CNOT1: variants seen among roughly 807,000 people sequenced by gnomAD.
CNOT1 encodes CCR4-associated factor 1.
Under a neutral mutation model 273.8 loss-of-function variants are expected in CNOT1, and 15 were observed. The observed-to-expected ratio is 0.05, with a 90% CI of 0.04 to 0.08. The LOEUF (loss-of-function observed/expected upper bound fraction) is 0.08. CNOT1 is among the 10% of genes least tolerant of loss of function. The probability of loss-of-function intolerance (pLI) is 1.00; values close to 1 mark genes in which losing one functional copy is unlikely to be tolerated. For synonymous variants in CNOT1, 1,022 were observed against 1,005.5 expected, an observed-to-expected ratio of 1.02 and a Z score of -0.31; for missense variants, 1,644 against 2,912.2, an observed-to-expected ratio of 0.56 and a Z score of 10.02.
intron 40 of CNOT1, among the ~76,000 whole-genome samples, chr16:58,533,687 T>C (rs72622279): frequency 0.28 from 42,174 of 150,910 alleles, 6,371 homozygotes; most frequent in East Asian, 0.57. Context: ...TAGCCGGGCA[T>C]GTTGGCAAGT....
At chr16:58,546,555 T>C (rs898554754) in intron 28 of CNOT1, 57 bp from the exon 29 acceptor site, 4 of 1,603,630 alleles carry the variant, frequency 2.5e-6, no homozygotes, top group Non-Finnish European at 3.4e-6. Flanking sequence ...GTTTTACTCA[T>C]AATATACTCT....
At chr16:58,524,676 A>G (rs1349561700) in intron 46 of CNOT1, among the ~76,000 whole-genome samples, 2 of 152,102 alleles carry the variant, frequency 1.3e-5, no homozygotes, top group East Asian at 1.9e-4. Context: ...TGGGGTCTCT[A>G]TTTTATAAGA....
At chr16:58,557,024 A>G (rs994870866) in intron 18 of CNOT1, 31 bp from the exon 19 acceptor site, 1 of 1,604,736 alleles carries the variant, frequency 6.2e-7, no homozygotes, top group African/African-American at 1.3e-5. Flanking sequence ...CACAAATCCT[A>G]TCATTATTCA....
Position 58,616,075 on chromosome 16 carries a change from C to CA in CNOT1, c.-175+13652dup, listed in dbSNP as rs561759484. ...TGACAGGGCAAGACACTGACTCTACCAAAAAAATAAAAAGTAAGAAATTGC... is the reference window on the plus strand; with the variant it reads ...TGACAGGGCAAGACACTGACTCTACCAAAAAAAATAAAAAGTAAGAAATTGC... On this transcript the variant is annotated intron_variant, in intron 1 of 48. Coordinates refer to ENST00000317147, the MANE Select transcript of CNOT1 (RefSeq NM_016284.5). Among the ~76,000 whole-genome samples the CA allele has an allele frequency of 4.9e-4, 61 of 124,188 alleles. 11 individuals are homozygous for CA. The highest frequency in any genetic ancestry group is 1.6e-3 in the African/African-American group (60 of 37,052). 81.5% of individuals were successfully genotyped at this position (124,188 alleles called of 152,430 possible).
intron 18 of CNOT1, among the ~76,000 whole-genome samples, chr16:58,558,014 CG>C (rs1407378497): frequency 7.7e-6 from 1 of 130,692 alleles, no homozygotes; most frequent in Non-Finnish European, 1.9e-5. Context: ...AACAAACAAA[CG>C]AAAAAAAACC....
chr16:58,530,276 T>A lies in CNOT1; in HGVS notation c.6249A>T (p.Glu2083Asp). The change falls in exon 43 of 49, where the codon GAA becomes GAT. Residue 2083 changes from glutamate (E) to aspartate (D), a missense_variant. Glu to Asp is a conservative substitution (Grantham distance 45). Coordinates refer to ENST00000317147, the MANE Select transcript of CNOT1 (RefSeq NM_016284.5). ...AGAGGATTTGCATAGGTTTGGTGAG[T>A]TCCACATTTCTAAGGAAAGGCGCTA... ...KYLAPFLRNV[E>D]LTKPMQILYK... is the part of the protein sequence containing the mutation. 6.2e-7 allele frequency: 1 copy of A among 1,612,162 alleles called. No individual in the cohort carries two copies. Among genetic ancestry groups the A allele is most frequent in the Non-Finnish European group, 8.5e-7 (1 of 1,178,672 alleles).
intron 1 of CNOT1, among the ~76,000 whole-genome samples, chr16:58,623,027 G>A (rs947856096): frequency 2.0e-5 from 3 of 151,614 alleles, no homozygotes; most frequent in East Asian, 1.9e-4. Context: ...GCAAAACCCC[G>A]TCTCTACTAA....
chr16:58,529,795 C>T (rs929965737), intron 43 of CNOT1, among the ~76,000 whole-genome samples: 2 of 125,058 alleles, frequency 1.6e-5, no homozygotes, highest in African/African-American at 2.9e-5. Flanking sequence ...AAGCTGAGAT[C>T]GCGCCACTGC....
At position 58,551,178 on chromosome 16, in the gene CNOT1, A is replaced by G; in HGVS notation, c.3296T>C (p.Ile1099Thr). The G allele has an allele frequency of 1.9e-6, 3 of 1,609,858 alleles. No homozygotes were observed. Among genetic ancestry groups the G allele is most frequent in the Non-Finnish European group, 2.5e-6 (3 of 1,178,954 alleles). The change falls in exon 24 of 49, where the codon ATT becomes ACT. Residue 1099 changes from isoleucine to threonine, a missense_variant. Around this residue, in one of 13 missense-constraint regions of CNOT1, gnomAD observed 124 missense variants for 289.3 expected, o/e 0.43. Transcript: ENST00000317147. ...TGAGAGATTATTGAAAATAAAAGCAATTTTCTCCTGGATATTTTCTGGGGG... is the reference window on the plus strand; with the variant it reads ...TGAGAGATTATTGAAAATAAAAGCAGTTTTCTCCTGGATATTTTCTGGGGG... ...VEPPENIQEK[I>T]AFIFNNLSQS...
In CNOT1 at chr16:58,551,656, G is replaced by A. The variant is rs1158738988; in HGVS notation, c.3134C>T (p.Thr1045Ile). 2 of 1,614,226 alleles carry A rather than the reference G, an allele frequency of 1.2e-6. No individual in the cohort carries two copies. The highest frequency in any genetic ancestry group is 2.2e-5 in the East Asian group (1 of 44,892). Residue 1045 changes from threonine to isoleucine, a missense_variant, in exon 23 of 49, where the codon ACT (threonine) becomes ATT (isoleucine). Thr to Ile is a moderately conservative substitution (Grantham distance 89). Coordinates refer to ENST00000317147, the MANE Select transcript of CNOT1 (RefSeq NM_016284.5). ...CGTAACCGTTTTAGCAACAGTGGTA[G>A]TTGTTGAGGTGGTTACCATAGTGCT... ...QVSTMVTTSTTTTVAKTVTVT... is the reference protein window; with the variant it reads ...QVSTMVTTSTITTVAKTVTVT...
intron 1 of CNOT1, among the ~76,000 whole-genome samples, chr16:58,603,235 T>TA (rs780407105): frequency 6.6e-6 from 1 of 152,102 alleles, no homozygotes; most frequent in Non-Finnish European, 1.5e-5. Context: ...TTTTCAATCA[T>TA]AAAAAACTCA....
chr16:58,595,420 CAAAAA>C (rs57122392), intron 2 of CNOT1, among the ~76,000 whole-genome samples: 6 of 102,936 alleles, frequency 5.8e-5, no homozygotes, highest in Admixed American at 2.1e-4. Flanking sequence ...TTTTCCATCT[CAAAAA>C]AAAAAAAAAA....
Position 58,599,540 on chromosome 16 carries a change from C to T in CNOT1, c.-174-29G>A, listed in dbSNP as rs1386875072. The T allele has an allele frequency of 8.5e-6, 5 of 588,398 alleles. No individual in the cohort carries two copies. In the African/African-American group the frequency reaches 9.2e-5, roughly 11 times the overall value. The allele number at this position is 588,398 out of a possible 1,614,324, so 36.4% of individuals were successfully genotyped here. ...TTTAAAAAAACACACACACACAAAT[C>T]CAGATTTTTAAATTAAAAGGAAAAA... On this transcript the variant is annotated intron_variant, in intron 1 of 48. Coordinates refer to ENST00000317147, the MANE Select transcript of CNOT1 (RefSeq NM_016284.5).
At position 58,587,873 on chromosome 16, in the gene CNOT1, C is replaced by T. The variant is rs1174606796; in HGVS notation, c.216G>A (p.Gln72=). 6.2e-7 allele frequency: 1 copy of T among 1,612,770 alleles called. No homozygotes were observed. Among genetic ancestry groups the T allele is most frequent in the East Asian group, 2.2e-5 (1 of 44,866 alleles). ...GCAACGCACACTCCTGAATCAGAAA[C>T]TGAGTCTTTAAAAATAAAAAATGAT... ...KSSGKDFHQT[Q]FLIQECALLI... The change falls in exon 4 of 49, where the codon CAG becomes CAA. Residue 72 remains glutamine (Q), a synonymous_variant. Transcript: ENST00000317147.
In CNOT1 at chr16:58,530,365, A is replaced by C. The variant is rs1367705370; in HGVS notation, c.6178-18T>G. ...GGCCACCCCTGAAAGAAAGAAATGTACATGAGTCATAATTATACTCAGCTG... is the reference window on the plus strand; with the variant it reads ...GGCCACCCCTGAAAGAAAGAAATGTCCATGAGTCATAATTATACTCAGCTG... On this transcript the variant is annotated intron_variant, in intron 42 of 48. Transcript: ENST00000317147. The C allele has an allele frequency of 6.3e-7, 1 of 1,582,790 alleles. No individual in the cohort carries two copies. The highest frequency in any genetic ancestry group is 8.6e-7 in the Non-Finnish European group (1 of 1,156,718).
At position 58,545,431 on chromosome 16, in the gene CNOT1, T is replaced by C. The variant is rs754786898; in HGVS notation, c.4067A>G (p.Gln1356Arg). The change falls in exon 30 of 49, where the codon CAG (glutamine) becomes CGG (arginine). Residue 1356 changes from glutamine (Q) to arginine (R), a missense_variant. Transcript: ENST00000317147. ...GACATTGATGTCGTGGTAGCTGTACTGTGGCTGTGGTGGAACCGTGGCTGT... is the reference window on the plus strand; with the variant it reads ...GACATTGATGTCGTGGTAGCTGTACCGTGGCTGTGGTGGAACCGTGGCTGT... The part of the protein sequence containing the change: ...TCTATVPPQP[Q>R]YSYHDINVYS... 4 of 1,614,048 alleles carry C rather than the reference T, an allele frequency of 2.5e-6. No individual in the cohort carries two copies. Among genetic ancestry groups the C allele is most frequent in the Non-Finnish European group, 3.4e-6 (4 of 1,179,990 alleles).
chr16:58,578,707 G>C lies in CNOT1; in HGVS notation c.1576C>G (p.His526Asp). 6.2e-7 allele frequency: 1 copy of C among 1,614,066 alleles called. No homozygotes were observed. The highest frequency in any genetic ancestry group is 8.5e-7 in the Non-Finnish European group (1 of 1,180,018). Residue 526 changes from histidine to aspartate, a missense_variant, in exon 13 of 49, where the codon CAT (histidine) becomes GAT (aspartate). His to Asp is a moderately conservative substitution (Grantham distance 81, BLOSUM62 -1). Transcript: ENST00000317147. ...ACACGGTCACATCTTACCTGCCCAT[G>C]CCATGCATAGTGCAAAATAATAGCT... is the stretch of plus-strand genomic sequence containing the variant. ...NSAIILHYAW[H>D]GQGQSPSIRQ...
At chr16:58,549,101 C>G (rs867813552) in intron 25 of CNOT1, among the ~76,000 whole-genome samples, 28 of 152,054 alleles carry the variant, frequency 1.8e-4, no homozygotes, top group Admixed American at 2.6e-4. Context: ...CCAGCCTGGC[C>G]AATATGATTA....
intron 34 of CNOT1, chr16:58,540,182 G>A (rs550937029): frequency 3.7e-4 from 153 of 416,182 alleles, no homozygotes; most frequent in African/African-American, 2.9e-3. Context: ...TGTTTCATTT[G>A]AGAGAGGAAA....
Sources: allele counts gnomAD v4.1 joint callset (sites outside exome capture counted in the v4.1 genomes callset), GRCh38; gene constraint gnomAD v4.1.1; regional missense constraint gnomAD v4.1.1; transcripts MANE v1.5; gene names NCBI Gene and HGNC (gene_info 2026-07-23, HGNC 2026-07-21).